The following FSD1 variants were observed in gnomAD, a reference collection of about 807,000 sequenced individuals.
The protein encoded by FSD1 is fibronectin type III and SPRY domain-containing protein 1.
Under a neutral mutation model 58.2 loss-of-function variants are expected in FSD1, and 23 were observed. The ratio of observed to expected loss-of-function variants is 0.40; its 90% CI spans 0.28 to 0.56. The LOEUF is 0.56. FSD1 is among the 20% of genes least tolerant of loss of function. The pLI, the probability that FSD1 is intolerant of heterozygous loss-of-function variation, is 0.54. For synonymous variants in FSD1, 265 were observed against 263.4 expected (o/e 1.01, Z -0.06); for missense variants, 563 against 670.8 (o/e 0.84, Z 1.78).
At chr19:4,306,102 C>G (rs1167454873) in intron 2 of FSD1, 61 bp downstream of exon 2, 2 of 1,605,086 alleles carry the variant, frequency 1.2e-6, no homozygotes, top group South Asian at 1.1e-5. Flanking sequence ...GAGGGTGCAG[C>G]CTTAGGAACT....
At position 4,318,334 on chromosome 19, in the gene FSD1, G is replaced by T. The variant is rs1243781592; in HGVS notation, c.800-12G>T. ...CCCCATCTCTGTGACTCCCACGTCT[G>T]CCCGGCCCCAGCGTTCATGTTCCGC... On this transcript the variant is annotated splice_polypyrimidine_tract_variant and intron_variant, in intron 8 of 12. Transcript: ENST00000221856. The T allele has an allele frequency of 4.3e-6, 7 of 1,613,506 alleles. No homozygotes were observed. The highest frequency in any genetic ancestry group is 2.7e-5 in the African/African-American group (2 of 74,810).
At chr19:4,310,692 C>G in intron 6 of FSD1, 96 bp downstream of exon 6, 3 of 1,403,274 alleles carry the variant, frequency 2.1e-6, no homozygotes, top group East Asian at 2.3e-5. Flanking sequence ...GTGGACGACC[C>G]GGTGTCTGAA....
At position 4,323,456 on chromosome 19, in the gene FSD1, C is replaced by G; in HGVS notation, c.1380+20C>G. The G allele has an allele frequency of 6.2e-7, 1 of 1,608,876 alleles. No homozygotes were observed. Among genetic ancestry groups the G allele is most frequent in the Non-Finnish European group, 8.5e-7 (1 of 1,175,924 alleles). ...TTCACGGTGAGCTGCCCTCCGCGGC[C>G]CAGGGGGAGGAGAGGGTGGTGCTGG... On this transcript the variant is annotated intron_variant, in intron 12 of 12. Coordinates refer to ENST00000221856, the MANE Select transcript of FSD1 (RefSeq NM_024333.3). This position sits in a 1 kb window ranked among gnomAD's most constrained non-coding sequence, Gnocchi z 7.7.
intron 6 of FSD1, chr19:4,310,809 T>C (rs1971681742): frequency 3.8e-6 from 2 of 524,014 alleles, no homozygotes; most frequent in South Asian, 2.2e-5. Flanking sequence ...CCACCCACTG[T>C]GTAGTGACAT....
chr19:4,308,714 C>T (rs1395527699), intron 4 of FSD1, among the ~76,000 whole-genome samples: 5 of 151,844 alleles, frequency 3.3e-5, no homozygotes, highest in South Asian at 4.2e-4. Flanking sequence ...ATAAATTAGC[C>T]GGGCGTGGTG....
At chr19:4,304,854 C>G (rs1735721972) in intron 1 of FSD1, 93 bp downstream of exon 1, 1 of 472,354 alleles carries the variant, frequency 2.1e-6, no homozygotes, top group African/African-American at 2.1e-5. Context: ...CCCTCCCCGC[C>G]TCCACCCCAG....
At chr19:4,316,941 G>A (rs956442252) in intron 7 of FSD1, among the ~76,000 whole-genome samples, 3 of 151,802 alleles carry the variant, frequency 2.0e-5, no homozygotes, top group African/African-American at 4.8e-5. Flanking sequence ...TAGTAGAGAC[G>A]GGGGTTTCAC....
rs1430128295 is a variant in FSD1 at position 4,323,412 on chromosome 19, A to G, written c.1356A>G (p.Thr452=). 1 of 1,613,470 alleles carries G rather than the reference A, an allele frequency of 6.2e-7. No homozygotes were observed. Among genetic ancestry groups the G allele is most frequent in the Non-Finnish European group, 8.5e-7 (1 of 1,179,730 alleles). ...QVLHTFKTRF[T]QPLLPAFTVW... ...TGCACACTTTCAAGACCAGGTTCAC[A>G]CAGCCGCTGCTGCCTGCTTTCACGG... Residue 452 remains threonine (T), a synonymous_variant, in exon 12 of 13, where the codon ACA becomes ACG. Transcript: ENST00000221856. This position sits in a 1 kb window ranked among gnomAD's most constrained non-coding sequence, Gnocchi z 7.7.
At chr19:4,313,704 G>A (rs535921275) in intron 7 of FSD1, among the ~76,000 whole-genome samples, 3 of 146,766 alleles carry the variant, frequency 2.0e-5, no homozygotes, top group African/African-American at 7.6e-5. Flanking sequence ...GTTACAGAGC[G>A]AGACTCCGTC....
Position 4,323,503 on chromosome 19 carries a change from C to CGGGGGG in FSD1, c.1381-30_1381-29insGGGGGG. On this transcript the variant is annotated intron_variant, in intron 12 of 12. Coordinates refer to ENST00000221856, the MANE Select transcript of FSD1 (RefSeq NM_024333.3). The surrounding 1 kb of genome is among the most constrained non-coding windows in gnomAD (Gnocchi z 7.7). ...CTGGGCGCTGGGGTTTGAAGCTGAGCCCCTCCCCCCTCCCCCCGCTGTCCC... is the reference window on the plus strand; with the variant it reads ...CTGGGCGCTGGGGTTTGAAGCTGAGCGGGGGGCCCTCCCCCCTCCCCCCGCTGTCCC... The CGGGGGG allele has an allele frequency of 1.2e-6, 1 of 857,158 alleles. No homozygotes were observed. Among genetic ancestry groups the CGGGGGG allele is most frequent in the Non-Finnish European group, 2.0e-6 (1 of 494,156 alleles). 53.1% of individuals were successfully genotyped at this position (857,158 alleles called of 1,614,324 possible). A position where few individuals can be genotyped will look rare whatever the true frequency, so the allele number is the denominator to read the frequency against.
Position 4,322,979 on chromosome 19 carries a change from G to A in FSD1, c.1040-7G>A, listed in dbSNP as rs1599543955. 5 of 1,606,700 alleles carry A rather than the reference G, an allele frequency of 3.1e-6. No homozygotes were observed. The highest frequency in any genetic ancestry group is 1.1e-5 in the South Asian group (1 of 90,334). ...CCCCTGCCCACCCCTCCTGCCCTGC[G>A]CCACAGGGGACACGCTGATCGACGG... On this transcript the variant is annotated splice_region_variant and splice_polypyrimidine_tract_variant and intron_variant, in intron 10 of 12. Transcript: ENST00000221856.
intron 10 of FSD1, among the ~76,000 whole-genome samples, chr19:4,322,419 G>A (rs981636071): frequency 1.8e-4 from 27 of 151,800 alleles, no homozygotes; most frequent in African/African-American, 6.5e-4. Context: ...GGGAATAGCA[G>A]GAACCAAGGA....
rs1382675473 is a variant in FSD1 at position 4,323,290 on chromosome 19, C to T, written c.1291+53C>T. The T allele has an allele frequency of 7.5e-6, 12 of 1,608,780 alleles. No homozygotes were observed. The highest frequency in any genetic ancestry group is 3.3e-5 in the South Asian group (3 of 91,040). ...TGGCTGCCCCTGCCTGAGTCCCCTCCGTCTGCCCCCATCCCACTTCTGACC... is the reference window on the plus strand; with the variant it reads ...TGGCTGCCCCTGCCTGAGTCCCCTCTGTCTGCCCCCATCCCACTTCTGACC... On this transcript the variant is annotated intron_variant, in intron 11 of 12. Coordinates refer to ENST00000221856, the MANE Select transcript of FSD1 (RefSeq NM_024333.3). This position sits in a 1 kb window ranked among gnomAD's most constrained non-coding sequence, Gnocchi z 7.7.
chr19:4,318,739 T>C (rs1971782537), intron 9 of FSD1, 133 bp from the exon 10 acceptor site: 1 of 799,660 alleles, frequency 1.3e-6, no homozygotes, highest in Non-Finnish European at 2.2e-6. Context: ...GCTCGATATA[T>C]AGATAGAGCC....
chr19:4,323,444 G>A lies in FSD1; in HGVS notation c.1380+8G>A. On this transcript the variant is annotated splice_region_variant and intron_variant, in intron 12 of 12. Transcript: ENST00000221856. The surrounding 1 kb of genome is among the most constrained non-coding windows in gnomAD (Gnocchi z 7.7). The stretch of plus-strand genomic sequence containing the variant: ...CTGCTGCCTGCTTTCACGGTGAGCT[G>A]CCCTCCGCGGCCCAGGGGGAGGAGA... 1 of 1,611,494 alleles carries A rather than the reference G, an allele frequency of 6.2e-7. No individual in the cohort carries two copies. Among genetic ancestry groups the A allele is most frequent in the East Asian group, 2.2e-5 (1 of 44,818 alleles).
rs565716449 is a variant in FSD1, at chr19:4,316,272, A to C, written c.701-910A>C. ...AGTTTCGCTCTGTCACCCAGGCTAG[A>C]GTGCAGTGGTGCGATCTTGGCTCAC... On this transcript the variant is annotated intron_variant, in intron 7 of 12. Transcript: ENST00000221856. Among the ~76,000 whole-genome samples the C allele has an allele frequency of 5.3e-5, 8 of 152,130 alleles. No homozygotes were observed. The South Asian group carries it at 1.7e-3, about 32-fold the overall frequency.
At position 4,323,759 on chromosome 19, in the gene FSD1, G is replaced by T; in HGVS notation, c.*116G>T. The T allele has an allele frequency of 1.4e-6, 1 of 722,262 alleles. No homozygotes were observed. The highest frequency in any genetic ancestry group is 2.7e-5 in the Admixed American group (1 of 37,268). 44.7% of individuals were successfully genotyped at this position (722,262 alleles called of 1,614,324 possible). On this transcript the variant is annotated 3_prime_UTR_variant, in exon 13 of 13. Coordinates refer to ENST00000221856, the MANE Select transcript of FSD1 (RefSeq NM_024333.3). This position sits in a 1 kb window ranked among gnomAD's most constrained non-coding sequence, Gnocchi z 7.7. ...CTGCTTGGAGCCTTAACTCCAGATGGGGGGGTCACCAAGAGGGAGTGGGCA... is the reference window on the plus strand; with the variant it reads ...CTGCTTGGAGCCTTAACTCCAGATGTGGGGGTCACCAAGAGGGAGTGGGCA...
chr19:4,307,839 A>T, intron 3 of FSD1, 43 bp from the exon 4 acceptor site: 1 of 1,491,984 alleles, frequency 6.7e-7, no homozygotes. Flanking sequence ...GGCCTGAGGC[A>T]GTGGGGTGAG....
At chr19:4,317,367 G>A in intron 8 of FSD1, 87 bp downstream of exon 8, 2 of 843,042 alleles carry the variant, frequency 2.4e-6, no homozygotes, top group East Asian at 5.0e-5. Context: ...CCTCGAAGCA[G>A]GGTTGCCCTG....
Sources: gnomAD v4.1 joint callset for allele counts (sites outside exome capture counted in the v4.1 genomes callset) on GRCh38, gnomAD v4.1.1 for gene constraint, Gnocchi (gnomAD v3.1) non-coding constraint, MANE v1.5 for transcripts, NCBI Gene and HGNC (gene_info 2026-07-23, HGNC 2026-07-21) for gene names.